The following KCNH1 variants were observed in gnomAD, a reference collection of about 807,000 sequenced individuals.
KCNH1 encodes voltage-gated delayed rectifier potassium channel KCNH1.
In KCNH1, 27 loss-of-function variants were observed where a neutral mutation model predicts 69.2. The ratio of observed to expected loss-of-function variants is 0.39; its 90% CI spans 0.29 to 0.54. The LOEUF (loss-of-function observed/expected upper bound fraction) is 0.54. KCNH1 is among the 20% of genes least tolerant of loss of function. KCNH1 has a pLI of 0.68. For synonymous variants in KCNH1, 456 were observed against 487.7 expected (o/e 0.93, Z 0.86); for missense variants, 798 against 1,261.6 (o/e 0.63, Z 5.57).
intron 10 of KCNH1, among the ~76,000 whole-genome samples, chr1:210,690,039 T>C (rs1393206237): frequency 2.0e-5 from 3 of 152,198 alleles, no homozygotes; most frequent in South Asian, 2.1e-4. Flanking sequence ...TCTCTGCCTG[T>C]ACTCACACTT....
At chr1:211,089,290 A>G (rs1182324481) in intron 4 of KCNH1, among the ~76,000 whole-genome samples, 1 of 152,222 alleles carries the variant, frequency 6.6e-6, no homozygotes, top group African/African-American at 2.4e-5. Context: ...CTGCACTGAG[A>G]AATCTTCAAA....
At chr1:210,688,188 T>C (rs1201228868) in intron 10 of KCNH1, among the ~76,000 whole-genome samples, 1 of 152,186 alleles carries the variant, frequency 6.6e-6, no homozygotes, top group African/African-American at 2.4e-5. Flanking sequence ...ATCCACTCTT[T>C]TGAATGAAAG....
In KCNH1 at chr1:211,101,484, T is replaced by C. The variant is rs115984912; in HGVS notation, c.310+2012A>G. ...TTCCTTAGTTTCATGGCTCATGTTG[T>C]ATGTACAAATTTAGCCTTGTCCAGA... On this transcript the variant is annotated intron_variant, in intron 3 of 10. Coordinates refer to ENST00000271751, the MANE Select transcript of KCNH1 (RefSeq NM_172362.3). 8.3e-3 allele frequency among the ~76,000 whole-genome samples: 1,264 copies of C among 152,308 alleles called. 16 individuals are homozygous for C. Among genetic ancestry groups the C allele is most frequent in the African/African-American group, 0.029 (1,189 of 41,560 alleles).
intron 5 of KCNH1, among the ~76,000 whole-genome samples, chr1:211,028,130 G>T (rs934488744): frequency 6.6e-6 from 1 of 152,060 alleles, no homozygotes; most frequent in African/African-American, 2.4e-5. Flanking sequence ...AATCACCAGA[G>T]TGTATTCTCA....
At chr1:210,714,937 T>TATC (rs1169179604) in intron 10 of KCNH1, among the ~76,000 whole-genome samples, 20 of 152,290 alleles carry the variant, frequency 1.3e-4, no homozygotes, top group African/African-American at 3.6e-4. Context: ...AGATGTACAC[T>TATC]ATCTCCTCCC....
intron 6 of KCNH1, among the ~76,000 whole-genome samples, chr1:211,004,650 A>G (rs1342227272): frequency 1.3e-5 from 2 of 152,200 alleles, no homozygotes; most frequent in African/African-American, 4.8e-5. Flanking sequence ...AGAAACTAAG[A>G]TATCACATCA....
chr1:211,094,320 T>A (rs1691107170), intron 3 of KCNH1, among the ~76,000 whole-genome samples: 1 of 152,178 alleles, frequency 6.6e-6, no homozygotes, highest in Non-Finnish European at 1.5e-5. Context: ...CTCGCTCAGC[T>A]GTCGCTCACC....
intron 10 of KCNH1, among the ~76,000 whole-genome samples, chr1:210,713,064 T>G (rs1682118084): frequency 6.6e-6 from 1 of 152,234 alleles, no homozygotes; most frequent in Non-Finnish European, 1.5e-5. Flanking sequence ...TGGGGTTTGC[T>G]CCTGTGTTTG....
Position 210,851,085 on chromosome 1 carries a change from G to T in KCNH1, c.1463-46919C>A, listed in dbSNP as rs144444013. 1.7e-3 allele frequency among the ~76,000 whole-genome samples: 255 copies of T among 152,326 alleles called. 1 individual carries two copies. The highest frequency in any genetic ancestry group is 5.9e-3 in the African/African-American group (246 of 41,572). On this transcript the variant is annotated intron_variant, in intron 7 of 10. Coordinates refer to ENST00000271751, the MANE Select transcript of KCNH1 (RefSeq NM_172362.3). Reference sequence around the variant, plus strand: ...CAGAAGACAAAGCCATGTGCTGTCTGCTCTGGGACACAGAAAAAGGAGTTA... The same window carrying T: ...CAGAAGACAAAGCCATGTGCTGTCTTCTCTGGGACACAGAAAAAGGAGTTA...
chr1:210,751,875 A>C (rs750674135), intron 10 of KCNH1, among the ~76,000 whole-genome samples: 10 of 152,144 alleles, frequency 6.6e-5, no homozygotes, highest in Non-Finnish European at 1.3e-4. Context: ...CATAGGCGAT[A>C]CCTGCTCTAA....
Position 211,133,177 on chromosome 1 carries a change from C to G in KCNH1, c.79+690G>C, listed in dbSNP as rs1376747816. 6.6e-6 allele frequency: 1 copy of G among 152,172 alleles called. No individual in the cohort carries two copies. Among genetic ancestry groups the G allele is most frequent in the Non-Finnish European group, 1.5e-5 (1 of 68,066 alleles). The allele number at this position is 152,172 out of a possible 1,614,324, so 9.4% of individuals were successfully genotyped here. ...TGGGTTTGGAAGAGGGGAAATATAA[C>G]AGGTTTGTACCTGTGACCATTTAGT... On this transcript the variant is annotated intron_variant, in intron 1 of 10. Transcript: ENST00000271751. This position sits in a 1 kb window ranked among gnomAD's most constrained non-coding sequence, Gnocchi z 5.4.
intron 10 of KCNH1, among the ~76,000 whole-genome samples, chr1:210,701,137 C>A (rs1346815912): frequency 6.6e-6 from 1 of 152,058 alleles, no homozygotes; most frequent in Non-Finnish European, 1.5e-5. Context: ...CGGGGTTTCA[C>A]TGTGTTGGCC....
At chr1:210,807,553 G>A (rs537545747) in intron 7 of KCNH1, among the ~76,000 whole-genome samples, 68 of 152,176 alleles carry the variant, frequency 4.5e-4, no homozygotes, top group African/African-American at 1.5e-3. Context: ...TGCATGTTGC[G>A]TGAGCCAAGA....
intron 6 of KCNH1, among the ~76,000 whole-genome samples, chr1:210,980,940 G>A (rs1255351742): frequency 5.3e-5 from 8 of 152,156 alleles, no homozygotes; most frequent in Non-Finnish European, 7.4e-5. Context: ...CCTTGGTCCC[G>A]TAGCTCCAAA....
intron 6 of KCNH1, 61 bp downstream of exon 6, chr1:211,018,722 C>T (rs987555712): frequency 1.9e-5 from 25 of 1,297,854 alleles, no homozygotes; most frequent in Non-Finnish European, 2.6e-5. Flanking sequence ...TTCTGTTGAC[C>T]ACCCACATTT....
intron 1 of KCNH1, among the ~76,000 whole-genome samples, chr1:211,114,144 C>T (rs1691525468): frequency 1.3e-5 from 2 of 152,022 alleles, no homozygotes; most frequent in South Asian, 4.1e-4. Context: ...CACCCAGTGA[C>T]CAGCAGAGCA....
intron 5 of KCNH1, among the ~76,000 whole-genome samples, chr1:211,026,455 C>T (rs1689686910): frequency 6.6e-6 from 1 of 151,134 alleles, no homozygotes; most frequent in African/African-American, 2.4e-5. Context: ...TGGGCAGCCT[C>T]AAAAGACAGA....
At position 210,875,820 on chromosome 1, in the gene KCNH1, A is replaced by T. The variant is rs529708439; in HGVS notation, c.1462+43820T>A. Among the ~76,000 whole-genome samples, 383 of 152,150 alleles carry T rather than the reference A, an allele frequency of 2.5e-3. 2 individuals are homozygous for T. The highest frequency in any genetic ancestry group is 8.8e-3 in the African/African-American group (364 of 41,514). On this transcript the variant is annotated intron_variant, in intron 7 of 10. Transcript: ENST00000271751. Reference sequence around the variant, plus strand: ...ACTTTCTCAAAAAAAAAAAAAAATAAATCAATAGCATTACTCTGAGAAGCA... The same window carrying T: ...ACTTTCTCAAAAAAAAAAAAAAATATATCAATAGCATTACTCTGAGAAGCA...
At chr1:210,987,785 G>A (rs933813259) in intron 6 of KCNH1, among the ~76,000 whole-genome samples, 2 of 152,166 alleles carry the variant, frequency 1.3e-5, no homozygotes, top group African/African-American at 4.8e-5. Flanking sequence ...CTGCATGCTG[G>A]GAGAACCACT....
Sources: gnomAD v4.1 joint callset for allele counts (sites outside exome capture counted in the v4.1 genomes callset) on GRCh38, gnomAD v4.1.1 for gene constraint, Gnocchi (gnomAD v3.1) non-coding constraint, MANE v1.5 for transcripts, NCBI Gene and HGNC (gene_info 2026-07-23, HGNC 2026-07-21) for gene names.